The following PCDHGA11 variants were observed in gnomAD, a reference collection of about 807,000 sequenced individuals.
PCDHGA11 encodes the protein protocadherin gamma-A11.
Under a neutral mutation model 60.4 loss-of-function variants are expected in PCDHGA11, and 39 were observed. The observed-to-expected ratio is 0.65, with a 90% CI of 0.50 to 0.84. The LOEUF (loss-of-function observed/expected upper bound fraction) is 0.84. Among genes scored for constraint, PCDHGA11 ranks in the 40% least tolerant of loss-of-function variants. The pLI, the probability that PCDHGA11 is intolerant of heterozygous loss-of-function variation, is 0.00. For synonymous variants in PCDHGA11, 533 were observed against 510.3 expected (o/e 1.04, Z -0.60); for missense variants, 1,165 against 1,197.7 (o/e 0.97, Z 0.40).
At position 141,432,716 on chromosome 5, in the gene PCDHGA11, C is replaced by A; in HGVS notation, c.2433+9056C>A. 6.2e-7 allele frequency: 1 copy of A among 1,614,030 alleles called. No individual in the cohort carries two copies. The highest frequency in any genetic ancestry group is 1.1e-5 in the South Asian group (1 of 91,084). ...GGCCGTCCAGGACCACGGCCAGCCC[C>A]CTCTCTCCGCCACTGTCACGCTCAC... On this transcript the variant is annotated intron_variant, in intron 1 of 3. Transcript: ENST00000398587. This position sits in a 1 kb window ranked among gnomAD's most constrained non-coding sequence, Gnocchi z 6.0.
At chr5:141,435,271 T>C (rs1242477213) in intron 1 of PCDHGA11, among the ~76,000 whole-genome samples, 1 of 152,216 alleles carries the variant, frequency 6.6e-6, no homozygotes, top group African/African-American at 2.4e-5. Context: ...CCATTTATAC[T>C]TTCTCAGTAT....
chr5:141,437,484 T>C (rs547317864), intron 1 of PCDHGA11, among the ~76,000 whole-genome samples: 2 of 152,332 alleles, frequency 1.3e-5, no homozygotes, highest in South Asian at 4.1e-4. Flanking sequence ...ATATTTAATC[T>C]CGTAGATCAC....
chr5:141,468,820 C>G (rs1055751689), intron 1 of PCDHGA11, among the ~76,000 whole-genome samples: 1 of 151,830 alleles, frequency 6.6e-6, no homozygotes, highest in Non-Finnish European at 1.5e-5. Context: ...GAGCCAAGAT[C>G]AAGCCACTGC....
At chr5:141,428,098 A>G in intron 1 of PCDHGA11, 1 of 1,608,664 alleles carries the variant, frequency 6.2e-7, no homozygotes, top group Non-Finnish European at 8.5e-7. Flanking sequence ...CTGTCCTACC[A>G]CGTGCTGCAG....
rs898242724 is a variant in PCDHGA11, at chr5:141,422,394, C to T, written c.1167C>T (p.Asn389=). Residue 389 remains asparagine, a synonymous_variant, in exon 1 of 4, where the codon AAC becomes AAT. Coordinates refer to ENST00000398587, the MANE Select transcript of PCDHGA11 (RefSeq NM_018914.3). ...ENGQVSCFIP[N]HLPFKLEKTY... ...GTCAAGTCTCCTGTTTTATTCCTAACCACCTGCCTTTTAAATTAGAAAAGA... is the reference window on the plus strand; with the variant it reads ...GTCAAGTCTCCTGTTTTATTCCTAATCACCTGCCTTTTAAATTAGAAAAGA... 6.3e-7 allele frequency: 1 copy of T among 1,595,520 alleles called. No individual in the cohort carries two copies. Among genetic ancestry groups the T allele is most frequent in the Non-Finnish European group, 8.5e-7 (1 of 1,173,214 alleles).
chr5:141,421,168 A>G lies in PCDHGA11; in HGVS notation c.-60A>G. Reference sequence around the variant, plus strand: ...AGTCGGCCTAGGACTTCATAGATACATAAGCCGATTCACAACCAACCAGCT... The same window carrying G: ...AGTCGGCCTAGGACTTCATAGATACGTAAGCCGATTCACAACCAACCAGCT... On this transcript the variant is annotated 5_prime_UTR_variant, in exon 1 of 4. Transcript: ENST00000398587. The G allele has an allele frequency of 1.5e-6, 2 of 1,331,612 alleles. No homozygotes were observed. The highest frequency in any genetic ancestry group is 1.5e-5 in the South Asian group (1 of 68,102). 82.5% of individuals were successfully genotyped at this position (1,331,612 alleles called of 1,614,324 possible). A position where few individuals can be genotyped will look rare whatever the true frequency, so the allele number is the denominator to read the frequency against.
rs764389909 is a variant in PCDHGA11, at chr5:141,491,064, ACTGTTG to A, written c.2434-3741_2434-3736del. On this transcript the variant is annotated intron_variant, in intron 1 of 3. Transcript: ENST00000398587. The surrounding 1 kb of genome is among the most constrained non-coding windows in gnomAD (Gnocchi z 6.9). ...GCCACAATGCGTGGCTCTCCTACTCACTGTTGCCACAGTCCACAGCCCCAGGACTGT... is the reference window on the plus strand; with the variant it reads ...GCCACAATGCGTGGCTCTCCTACTCACCACAGTCCACAGCCCCAGGACTGT... 1.2e-6 allele frequency: 2 copies of A among 1,613,962 alleles called. No homozygotes were observed. Among genetic ancestry groups the A allele is most frequent in the Admixed American group, 3.3e-5 (2 of 60,010 alleles).
Position 141,503,989 on chromosome 5 carries a change from C to T in PCDHGA11, c.2493-1404C>T, listed in dbSNP as rs534696225. Among the ~76,000 whole-genome samples the T allele has an allele frequency of 2.6e-5, 4 of 152,312 alleles. No individual in the cohort carries two copies. The South Asian group carries it at 8.3e-4, about 32-fold the overall frequency. On this transcript the variant is annotated intron_variant, in intron 2 of 3. Transcript: ENST00000398587. ...CATGGTGCCAAACCCTTCTTCTTAC[C>T]TTACAGTCACTTAACTGTCTCTGCT...
At position 141,431,106 on chromosome 5, in the gene PCDHGA11, T is replaced by C. The variant is rs566174531; in HGVS notation, c.2433+7446T>C. 25 of 1,614,108 alleles carry C rather than the reference T, an allele frequency of 1.5e-5. No homozygotes were observed. In the South Asian group the frequency reaches 2.7e-4, roughly 18 times the overall value. On this transcript the variant is annotated intron_variant, in intron 1 of 3. Transcript: ENST00000398587. This position sits in a 1 kb window ranked among gnomAD's most constrained non-coding sequence, Gnocchi z 4.8. ...ATTCTGATGGAGGATAAAGTGAAAA[T>C]ATATGGAGTAGAAGTAGAAGTAAGG...
rs190948188 is a variant in PCDHGA11 at position 141,505,972 on chromosome 5, C to T, written c.2581+491C>T. Among the ~76,000 whole-genome samples the T allele has an allele frequency of 5.4e-4, 82 of 152,250 alleles. 1 individual carries two copies. The highest frequency in any genetic ancestry group is 1.9e-3 in the African/African-American group (79 of 41,558). ...GAAAGTGGGTGTAGAAATCCCCAGC[C>T]GAGAGAACACCTCCTCTTTATGCGA... On this transcript the variant is annotated intron_variant, in intron 3 of 3. Transcript: ENST00000398587.
At chr5:141,459,442 A>G (rs2098968073) in intron 1 of PCDHGA11, among the ~76,000 whole-genome samples, 1 of 152,198 alleles carries the variant, frequency 6.6e-6, no homozygotes, top group South Asian at 2.1e-4. Context: ...CATTCATTCA[A>G]CTGTTGGTGG....
In PCDHGA11 at chr5:141,494,832, G is replaced by A. The variant is rs758427900; in HGVS notation, c.2459G>A (p.Arg820His). The A allele has an allele frequency of 1.2e-6, 2 of 1,614,066 alleles. No homozygotes were observed. Among genetic ancestry groups the A allele is most frequent in the Non-Finnish European group, 1.7e-6 (2 of 1,179,994 alleles). The change falls in exon 2 of 4, where the codon CGT (arginine) becomes CAT (histidine). Residue 820 changes from arginine (R) to histidine (H), a missense_variant. Transcript: ENST00000398587. ...CAAGCCCCGCCCAACACGGACTGGC[G>A]TTTCTCTCAGGCCCAGAGACCCGGC... ...NQQAPPNTDW[R>H]FSQAQRPGTS...
At chr5:141,462,596 A>G (rs1260411284) in intron 1 of PCDHGA11, among the ~76,000 whole-genome samples, 5 of 151,922 alleles carry the variant, frequency 3.3e-5, no homozygotes, top group African/African-American at 1.2e-4. Flanking sequence ...TTTCCATTTC[A>G]TATATTGTAT....
intron 1 of PCDHGA11, among the ~76,000 whole-genome samples, chr5:141,460,093 A>T (rs2098981983): frequency 6.6e-6 from 1 of 151,964 alleles, no homozygotes. Flanking sequence ...TAATAATTAT[A>T]CATGTAATTA....
rs1175296469 is a variant in PCDHGA11 at position 141,423,310 on chromosome 5, G to A, written c.2083G>A (p.Val695Met). 1.2e-6 allele frequency: 2 copies of A among 1,614,180 alleles called. No homozygotes were observed. Among genetic ancestry groups the A allele is most frequent in the Admixed American group, 1.7e-5 (1 of 60,034 alleles). Residue 695 changes from valine to methionine, a missense_variant, in exon 1 of 4, where the codon GTG becomes ATG. Coordinates refer to ENST00000398587, the MANE Select transcript of PCDHGA11 (RefSeq NM_018914.3). ...AACCTCAGACCTCTCGCTGTACTTG[G>A]TGGTGGCGGTGGCCGCAGTCTCCTG... ...SETSDLSLYL[V>M]VAVAAVSCIF...
In PCDHGA11 at chr5:141,487,762, T is replaced by C; in HGVS notation, c.2434-7045T>C. 6.5e-7 allele frequency: 1 copy of C among 1,545,432 alleles called. No homozygotes were observed. The highest frequency in any genetic ancestry group is 8.8e-7 in the Non-Finnish European group (1 of 1,142,332). ...TAAGAGGTAACTATGTGGTAGACGC[T>C]GTGCTTTGTAACTGTTTCGTGAATT... On this transcript the variant is annotated intron_variant, in intron 1 of 3. Coordinates refer to ENST00000398587, the MANE Select transcript of PCDHGA11 (RefSeq NM_018914.3). The surrounding 1 kb of genome is among the most constrained non-coding windows in gnomAD (Gnocchi z 5.0).
intron 1 of PCDHGA11, among the ~76,000 whole-genome samples, chr5:141,463,725 C>A (rs1259646105): frequency 6.6e-6 from 1 of 152,026 alleles, no homozygotes. Flanking sequence ...GGATTACAGG[C>A]ATGAGCCACC....
chr5:141,452,951 G>T (rs1397204185), intron 1 of PCDHGA11, among the ~76,000 whole-genome samples: 13 of 152,154 alleles, frequency 8.5e-5, no homozygotes, highest in Admixed American at 8.5e-4. Context: ...GCAATTGGTT[G>T]TCTTTAAACT....
chr5:141,494,977 T>C, intron 2 of PCDHGA11, 112 bp downstream of exon 2: 1 of 1,574,332 alleles, frequency 6.4e-7, no homozygotes, highest in East Asian at 2.3e-5. Context: ...TCTCCCTCAG[T>C]TTGAGATCCC....
Sources: gnomAD v4.1 joint callset for allele counts (sites outside exome capture counted in the v4.1 genomes callset) on GRCh38, gnomAD v4.1.1 for gene constraint, Gnocchi (gnomAD v3.1) non-coding constraint, MANE v1.5 for transcripts, NCBI Gene and HGNC (gene_info 2026-07-23, HGNC 2026-07-21) for gene names.